HHAT: variants seen among roughly 807,000 people sequenced by gnomAD.
HHAT encodes protein-cysteine N-palmitoyltransferase HHAT.
Under a neutral mutation model 70.8 loss-of-function variants are expected in HHAT, and 47 were observed. The observed-to-expected ratio is 0.66, with a 90% CI of 0.53 to 0.85. The LOEUF (loss-of-function observed/expected upper bound fraction) is 0.85, where lower values mean the gene tolerates loss of function less well. Ranked by LOEUF, HHAT falls within the 40% of genes least tolerant of loss-of-function variation. The pLI is 0.00. For synonymous variants in HHAT, 228 were observed against 247.6 expected, an observed-to-expected ratio of 0.92 and a Z score of 0.74; for missense variants, 609 against 604.8, an observed-to-expected ratio of 1.01 and a Z score of -0.07.
intron 11 of HHAT, among the ~76,000 whole-genome samples, chr1:210,637,243 T>C (rs6677022): frequency 0.83 from 126,838 of 152,150 alleles, 53,390 homozygotes; most frequent in Middle Eastern, 0.91. Context: ...TGGATCCATA[T>C]CTCACATCAT....
rs138760158 is a variant in HHAT, at chr1:210,657,660, C to G, written c.1391-16628C>G. Among the ~76,000 whole-genome samples the G allele has an allele frequency of 3.9e-3, 600 of 152,336 alleles. 4 individuals are homozygous for G. Among genetic ancestry groups the G allele is most frequent in the African/African-American group, 0.014 (572 of 41,580 alleles). ...ATGTCAGAAGCATTTGCTGACATCA[C>G]CTTTGAGATGTTCACGTAGTTTAGG... On this transcript the variant is annotated intron_variant, in intron 11 of 11. Coordinates refer to ENST00000261458, the MANE Select transcript of HHAT (RefSeq NM_018194.6).
At chr1:210,522,505 C>T (rs1338591462) in intron 9 of HHAT, among the ~76,000 whole-genome samples, 1 of 152,218 alleles carries the variant, frequency 6.6e-6, no homozygotes, top group Non-Finnish European at 1.5e-5. Context: ...AGTCCACTGG[C>T]TCCCATGGGG....
At chr1:210,496,669 G>A (rs2094649894) in intron 8 of HHAT, among the ~76,000 whole-genome samples, 1 of 152,212 alleles carries the variant, frequency 6.6e-6, no homozygotes, top group Non-Finnish European at 1.5e-5. Flanking sequence ...CCATTAGGCA[G>A]AGGTGTACAT....
intron 7 of HHAT, among the ~76,000 whole-genome samples, chr1:210,453,106 A>T (rs1377006753): frequency 1.3e-5 from 2 of 152,364 alleles, no homozygotes; most frequent in East Asian, 3.9e-4. Flanking sequence ...TCATTCTACA[A>T]CATAACAGTG....
At chr1:210,402,954 C>T (rs2092148957) in intron 5 of HHAT, among the ~76,000 whole-genome samples, 1 of 152,166 alleles carries the variant, frequency 6.6e-6, no homozygotes, top group South Asian at 2.1e-4. Context: ...GAAGCTGGAG[C>T]AGTCATTTAA....
chr1:210,461,803 A>G (rs1358984303), intron 7 of HHAT, among the ~76,000 whole-genome samples: 1 of 152,208 alleles, frequency 6.6e-6, no homozygotes, highest in South Asian at 2.1e-4. Flanking sequence ...AAGGAAAAAA[A>G]ATCTATTTAA....
At chr1:210,547,166 C>A (rs2095490857) in intron 9 of HHAT, among the ~76,000 whole-genome samples, 1 of 152,060 alleles carries the variant, frequency 6.6e-6, no homozygotes, top group Non-Finnish European at 1.5e-5. Flanking sequence ...CCCGTTGCTA[C>A]TAAAAATACA....
chr1:210,621,116 A>T (rs1314254829), intron 10 of HHAT, among the ~76,000 whole-genome samples: 2 of 152,076 alleles, frequency 1.3e-5, no homozygotes, highest in African/African-American at 4.8e-5. Context: ...TATCAGCTCC[A>T]CAGTCCTGCT....
chr1:210,673,094 ATGT>A (rs2148988727), intron 11 of HHAT, among the ~76,000 whole-genome samples: 2 of 152,324 alleles, frequency 1.3e-5, no homozygotes, highest in Admixed American at 1.3e-4. Context: ...TCTCTGTGAA[ATGT>A]TGTGATGCCC....
rs550159717 is a variant in HHAT at position 210,490,803 on chromosome 1, T to G, written c.1008-22350T>G. Reference sequence around the variant, plus strand: ...CACTAATAGGAAAAGAGACTTTCACTCAAGTGAAAGTTTTCTGCTAAGAAA... The same window carrying G: ...CACTAATAGGAAAAGAGACTTTCACGCAAGTGAAAGTTTTCTGCTAAGAAA... On this transcript the variant is annotated intron_variant, in intron 8 of 11. Transcript: ENST00000261458. Among the ~76,000 whole-genome samples the G allele has an allele frequency of 5.9e-5, 9 of 152,242 alleles. No individual in the cohort carries two copies. The East Asian group carries it at 1.7e-3, about 29-fold the overall frequency.
chr1:210,372,679 C>T (rs986146509), intron 3 of HHAT, among the ~76,000 whole-genome samples: 1 of 152,156 alleles, frequency 6.6e-6, no homozygotes, highest in South Asian at 2.1e-4. Flanking sequence ...AAGCAGTTAC[C>T]CTTCTAGTCT....
At chr1:210,655,557 C>T (rs1489524408) in intron 11 of HHAT, among the ~76,000 whole-genome samples, 1 of 152,192 alleles carries the variant, frequency 6.6e-6, no homozygotes, top group African/African-American at 2.4e-5. Flanking sequence ...GGGCTCGGAG[C>T]ACCCACCAGG....
At chr1:210,651,189 C>T (rs903950433) in intron 11 of HHAT, among the ~76,000 whole-genome samples, 6 of 152,232 alleles carry the variant, frequency 3.9e-5, no homozygotes, top group South Asian at 2.1e-4. Flanking sequence ...AATGCCCCTA[C>T]TCATCTCTCC....
intron 2 of HHAT, among the ~76,000 whole-genome samples, chr1:210,349,514 C>T (rs1217487909): frequency 6.6e-6 from 1 of 152,066 alleles, no homozygotes; most frequent in Non-Finnish European, 1.5e-5. Context: ...AATGGGGGCC[C>T]TCCTTTATTT....
chr1:210,621,950 G>A (rs997825030), intron 10 of HHAT, among the ~76,000 whole-genome samples: 12 of 152,306 alleles, frequency 7.9e-5, no homozygotes, highest in African/African-American at 2.6e-4. Flanking sequence ...GAGATGGGGT[G>A]ACAGAGGGTA....
intron 11 of HHAT, among the ~76,000 whole-genome samples, chr1:210,657,415 G>C (rs190169502): frequency 6.6e-6 from 1 of 152,206 alleles, no homozygotes; most frequent in African/African-American, 2.4e-5. Flanking sequence ...ACATGGAGGT[G>C]AGAACAAAGG....
intron 4 of HHAT, among the ~76,000 whole-genome samples, chr1:210,395,404 C>A (rs1292975998): frequency 6.8e-6 from 1 of 148,118 alleles, no homozygotes; most frequent in Non-Finnish European, 1.5e-5. Context: ...GAAAGGAGGG[C>A]AAATCTGTAG....
intron 11 of HHAT, among the ~76,000 whole-genome samples, chr1:210,631,692 G>A (rs1361135693): frequency 1.3e-5 from 2 of 152,260 alleles, no homozygotes; most frequent in Non-Finnish European, 1.5e-5. Flanking sequence ...ACTGTCACAT[G>A]TAAGGGCGGC....
At chr1:210,401,251 A>G (rs956680019) in intron 5 of HHAT, among the ~76,000 whole-genome samples, 1 of 152,132 alleles carries the variant, frequency 6.6e-6, no homozygotes, top group African/African-American at 2.4e-5. Context: ...AGTGGGTGGG[A>G]TATAGGTACC....
Sources: allele counts gnomAD v4.1 joint callset (sites outside exome capture counted in the v4.1 genomes callset), GRCh38; gene constraint gnomAD v4.1.1; transcripts MANE v1.5; gene names NCBI Gene and HGNC (gene_info 2026-07-23, HGNC 2026-07-21).